Variants in SLCO5A1 observed in about 807,000 individuals in gnomAD.
The protein encoded by SLCO5A1 is organic anion transporter polypeptide-related protein 4.
Under a neutral mutation model 65.1 loss-of-function variants are expected in SLCO5A1, and 39 were observed. The ratio of observed to expected loss-of-function variants is 0.60; its 90% CI spans 0.46 to 0.78. SLCO5A1 has a LOEUF of 0.78. SLCO5A1 is among the 30% of genes least tolerant of loss of function. SLCO5A1 has a pLI of 0.00. For missense variants in SLCO5A1, 1,029 were observed against 1,069.4 expected (o/e 0.96, Z 0.53); for synonymous variants, 438 against 415.7 (o/e 1.05, Z -0.65).
intron 2 of SLCO5A1, among the ~76,000 whole-genome samples, chr8:69,800,247 T>G (rs1303306580): frequency 3.5e-5 from 2 of 56,914 alleles, no homozygotes; most frequent in Non-Finnish European, 8.5e-5. Context: ...ACGCTTGAAT[T>G]TTTTTTTTTT....
At chr8:69,759,075 T>C (rs1817646706) in intron 3 of SLCO5A1, among the ~76,000 whole-genome samples, 1 of 152,214 alleles carries the variant, frequency 6.6e-6, no homozygotes, top group African/African-American at 2.4e-5. Context: ...AGAATGTCTG[T>C]AGAGCTTAGT....
intron 3 of SLCO5A1, among the ~76,000 whole-genome samples, chr8:69,757,516 T>C (rs1470565280): frequency 1.3e-5 from 2 of 151,702 alleles, no homozygotes; most frequent in Non-Finnish European, 2.9e-5. Flanking sequence ...CCATCTCAAC[T>C]AAAAATACAA....
At chr8:69,675,762 T>C (rs1813522001) in intron 9 of SLCO5A1, among the ~76,000 whole-genome samples, 1 of 152,138 alleles carries the variant, frequency 6.6e-6, no homozygotes, top group South Asian at 2.1e-4. Context: ...ATAAGAAATT[T>C]GAATCAAAAA....
intron 5 of SLCO5A1, among the ~76,000 whole-genome samples, chr8:69,722,539 C>A (rs1218148676): frequency 6.6e-6 from 1 of 152,122 alleles, no homozygotes; most frequent in Non-Finnish European, 1.5e-5. Flanking sequence ...GAATGACACA[C>A]CTTGTCCAAG....
At chr8:69,753,082 C>T (rs537045249) in intron 4 of SLCO5A1, among the ~76,000 whole-genome samples, 26 of 152,266 alleles carry the variant, frequency 1.7e-4, no homozygotes, top group Admixed American at 7.8e-4. Context: ...TGGCCCTGAT[C>T]GCTTTTGAAC....
intron 6 of SLCO5A1, among the ~76,000 whole-genome samples, chr8:69,683,443 A>C (rs887431691): frequency 6.6e-6 from 1 of 152,132 alleles, no homozygotes; most frequent in African/African-American, 2.4e-5. Flanking sequence ...CAGTTTTGTC[A>C]TGTGGATATA....
chr8:69,761,813 TAAG>T lies in SLCO5A1; in HGVS notation c.967_969del (p.Leu323del). 1.9e-6 allele frequency: 3 copies of T among 1,613,974 alleles called. No individual in the cohort carries two copies. Among genetic ancestry groups the T allele is most frequent in the South Asian group, 1.1e-5 (1 of 91,072 alleles). ...TTTCTGGGATCAACATAAAAACCAA[TAAG>T]AAGTCCACCTAATAAATATCCCACT... is the stretch of plus-strand genomic sequence containing the variant. On this transcript the variant is annotated inframe_deletion, in exon 3 of 10. Coordinates refer to ENST00000260126, the MANE Select transcript of SLCO5A1 (RefSeq NM_030958.3).
At chr8:69,810,973 G>C (rs1384278990) in intron 2 of SLCO5A1, among the ~76,000 whole-genome samples, 3 of 152,064 alleles carry the variant, frequency 2.0e-5, no homozygotes, top group Admixed American at 6.5e-5. Flanking sequence ...TATGAGAGAA[G>C]TTAGGCAAAA....
intron 2 of SLCO5A1, among the ~76,000 whole-genome samples, chr8:69,813,229 C>T (rs1820277377): frequency 6.6e-6 from 1 of 152,034 alleles, no homozygotes; most frequent in African/African-American, 2.4e-5. Flanking sequence ...CTTCTATGAC[C>T]TTTGTAAGAA....
chr8:69,766,505 GTGTT>G (rs943311343), intron 2 of SLCO5A1, among the ~76,000 whole-genome samples: 2 of 152,174 alleles, frequency 1.3e-5, no homozygotes, highest in South Asian at 2.1e-4. Context: ...GCACATGTGT[GTGTT>G]TGTGTGTGTG....
At chr8:69,730,637 C>G (rs985779305) in intron 5 of SLCO5A1, among the ~76,000 whole-genome samples, 2 of 152,178 alleles carry the variant, frequency 1.3e-5, no homozygotes, top group Non-Finnish European at 2.9e-5. Flanking sequence ...AGTCAAGGCA[C>G]AAAACATGTT....
intron 5 of SLCO5A1, among the ~76,000 whole-genome samples, chr8:69,717,272 T>C (rs1442901307): frequency 6.6e-6 from 1 of 152,242 alleles, no homozygotes; most frequent in Non-Finnish European, 1.5e-5. Flanking sequence ...TTGCTTTTTG[T>C]ATGTGGTATG....
intron 2 of SLCO5A1, among the ~76,000 whole-genome samples, chr8:69,821,342 G>C (rs1285067548): frequency 1.3e-5 from 2 of 151,904 alleles, no homozygotes; most frequent in Non-Finnish European, 2.9e-5. Context: ...CTGGGTGAAA[G>C]AGTGAGACTC....
At chr8:69,762,467 T>A (rs976217715) in intron 2 of SLCO5A1, among the ~76,000 whole-genome samples, 1 of 152,110 alleles carries the variant, frequency 6.6e-6, no homozygotes, top group African/African-American at 2.4e-5. Flanking sequence ...ATTACAGGCA[T>A]GAGCCACAGC....
chr8:69,706,026 T>A (rs958300593), intron 5 of SLCO5A1, among the ~76,000 whole-genome samples: 18 of 152,184 alleles, frequency 1.2e-4, no homozygotes, highest in Admixed American at 2.0e-4. Flanking sequence ...AAACTGGAAA[T>A]AAACCAAATG....
intron 6 of SLCO5A1, among the ~76,000 whole-genome samples, chr8:69,693,605 C>T (rs953086198): frequency 6.6e-6 from 1 of 152,206 alleles, no homozygotes; most frequent in South Asian, 2.1e-4. Context: ...AACCCTAGCT[C>T]AGCCATTTTC....
At chr8:69,812,849 T>C (rs975873118) in intron 2 of SLCO5A1, among the ~76,000 whole-genome samples, 2 of 152,234 alleles carry the variant, frequency 1.3e-5, no homozygotes, top group Non-Finnish European at 2.9e-5. Flanking sequence ...GATTTATGTA[T>C]ATCTTTAAGG....
chr8:69,828,870 C>G (rs908570342), intron 2 of SLCO5A1, among the ~76,000 whole-genome samples: 7 of 152,146 alleles, frequency 4.6e-5, no homozygotes, highest in African/African-American at 1.4e-4. Flanking sequence ...AATCTCAGGG[C>G]TGTTGTTAGT....
intron 2 of SLCO5A1, among the ~76,000 whole-genome samples, chr8:69,786,310 G>A (rs1259952971): frequency 1.3e-5 from 2 of 152,122 alleles, no homozygotes; most frequent in Non-Finnish European, 2.9e-5. Flanking sequence ...TATTGTCAAT[G>A]ATACAGATTT....
Sources: allele counts gnomAD v4.1 joint callset (sites outside exome capture counted in the v4.1 genomes callset), GRCh38; gene constraint gnomAD v4.1.1; transcripts MANE v1.5; gene names NCBI Gene and HGNC (gene_info 2026-07-23, HGNC 2026-07-21).